The following TWIST2 variants were observed in gnomAD, a reference collection of about 807,000 sequenced individuals.
TWIST2 encodes twist-related protein 2.
In TWIST2, 1 loss-of-function variant was observed where a neutral mutation model predicts 11.6. The ratio of observed to expected loss-of-function variants is 0.09; its 90% CI spans 0.03 to 0.41. The LOEUF is 0.41. TWIST2 is among the 10% of genes least tolerant of loss of function. The pLI, the probability that TWIST2 is intolerant of heterozygous loss-of-function variation, is 0.98. For missense variants in TWIST2, 168 were observed against 226.4 expected (o/e 0.74, Z 1.66); for synonymous variants, 87 against 96.6 (o/e 0.90, Z 0.58).
intron 1 of TWIST2, among the ~76,000 whole-genome samples, chr2:238,907,652 A>G (rs1693375202): frequency 1.3e-5 from 2 of 151,848 alleles, no homozygotes; most frequent in African/African-American, 4.8e-5. Context: ...AAGAAACAAC[A>G]CGCATGATGA....
intron 1 of TWIST2, among the ~76,000 whole-genome samples, chr2:238,888,132 T>G (rs553216697): frequency 6.6e-6 from 1 of 152,362 alleles, no homozygotes; most frequent in Admixed American, 6.5e-5. Flanking sequence ...TGTTATTTAC[T>G]AAATGTGGCT....
intron 1 of TWIST2, among the ~76,000 whole-genome samples, chr2:238,854,848 T>C (rs1427107246): frequency 6.6e-6 from 1 of 152,194 alleles, no homozygotes; most frequent in Non-Finnish European, 1.5e-5. Flanking sequence ...GCAGCTTTCT[T>C]TGTCTGTTCT....
intron 1 of TWIST2, among the ~76,000 whole-genome samples, chr2:238,868,328 C>A (rs150374871): frequency 1.3e-5 from 2 of 152,176 alleles, no homozygotes; most frequent in Non-Finnish European, 2.9e-5. Context: ...AGCCCCCCGC[C>A]CCCCAGCCTG....
At chr2:238,883,109 T>C (rs1203692273) in intron 1 of TWIST2, among the ~76,000 whole-genome samples, 4 of 152,234 alleles carry the variant, frequency 2.6e-5, no homozygotes, top group Non-Finnish European at 5.9e-5. Context: ...AGCAGGGCCT[T>C]TGCGTTTCTG....
chr2:238,900,422 C>T (rs994334887), intron 1 of TWIST2, among the ~76,000 whole-genome samples: 11 of 152,318 alleles, frequency 7.2e-5, no homozygotes, highest in Non-Finnish European at 1.0e-4. Context: ...TCAAGATTTT[C>T]CTTACAGCCA....
rs35363842 is a variant in TWIST2 at position 238,889,980 on chromosome 2, C to T, written c.*36-19862C>T. The stretch of plus-strand genomic sequence containing the variant: ...TGGAGGCTGCCCAGCCTGGCCTGTG[C>T]GGAGGCTGCCCAGCCTGGCCTGTGC... On this transcript the variant is annotated intron_variant, in intron 1 of 1. Coordinates refer to ENST00000612363, the MANE Select transcript of TWIST2 (RefSeq NM_001271893.4). Among the ~76,000 whole-genome samples, 9 of 109,250 alleles carry T rather than the reference C, an allele frequency of 8.2e-5. No homozygotes were observed. In the East Asian group the frequency reaches 9.8e-4, roughly 12 times the overall value. 71.7% of individuals were successfully genotyped at this position (109,250 alleles called of 152,430 possible).
intron 1 of TWIST2, among the ~76,000 whole-genome samples, chr2:238,870,181 CA>C (rs1692629416): frequency 1.4e-5 from 1 of 73,662 alleles, no homozygotes; most frequent in African/African-American, 6.0e-5. Flanking sequence ...ACACCCCACA[CA>C]CACATCACAT....
At chr2:238,862,964 TTGTC>T (rs1692459400) in intron 1 of TWIST2, among the ~76,000 whole-genome samples, 2 of 152,148 alleles carry the variant, frequency 1.3e-5, no homozygotes, top group Non-Finnish European at 2.9e-5. Flanking sequence ...ACGGGTGTGT[TTGTC>T]TGGAGAGACA....
At chr2:238,886,163 T>C (rs1285008161) in intron 1 of TWIST2, among the ~76,000 whole-genome samples, 10 of 151,934 alleles carry the variant, frequency 6.6e-5, no homozygotes, top group Admixed American at 6.6e-4. Context: ...ACCGTGAACT[T>C]TGTTCCACAA....
chr2:238,859,697 C>T (rs1296236849), intron 1 of TWIST2, among the ~76,000 whole-genome samples: 1 of 152,142 alleles, frequency 6.6e-6, no homozygotes, highest in Non-Finnish European at 1.5e-5. Context: ...AGATGTTATC[C>T]AGTTTATCCT....
At chr2:238,894,388 G>A (rs1435776076) in intron 1 of TWIST2, among the ~76,000 whole-genome samples, 1 of 152,012 alleles carries the variant, frequency 6.6e-6, no homozygotes, top group Admixed American at 6.6e-5. Context: ...GCCCCTGAGC[G>A]GCCCCTTGCC....
At chr2:238,909,481 G>A (rs920965892) in intron 1 of TWIST2, among the ~76,000 whole-genome samples, 80 of 152,278 alleles carry the variant, frequency 5.3e-4, no homozygotes, top group African/African-American at 1.4e-3. Flanking sequence ...TTGTCCCCAG[G>A]CAGCCTGTTC....
intron 1 of TWIST2, among the ~76,000 whole-genome samples, chr2:238,858,390 T>C (rs1692367197): frequency 6.6e-6 from 1 of 152,212 alleles, no homozygotes; most frequent in African/African-American, 2.4e-5. Flanking sequence ...TTTAGTAAGC[T>C]TTTTTGAGGT....
intron 1 of TWIST2, among the ~76,000 whole-genome samples, chr2:238,862,450 A>G (rs1692451879): frequency 6.6e-6 from 1 of 152,242 alleles, no homozygotes; most frequent in South Asian, 2.1e-4. Context: ...GTTGGTCAAT[A>G]AACGCGTGAA....
At chr2:238,893,720 C>A (rs1244629348) in intron 1 of TWIST2, among the ~76,000 whole-genome samples, 2 of 152,192 alleles carry the variant, frequency 1.3e-5, no homozygotes, top group Admixed American at 6.5e-5. Flanking sequence ...CAGGAAGCGC[C>A]GATCGCCGGC....
intron 1 of TWIST2, among the ~76,000 whole-genome samples, chr2:238,890,335 G>C (rs574426533): frequency 3.3e-5 from 5 of 152,216 alleles, no homozygotes; most frequent in Non-Finnish European, 7.4e-5. Context: ...CGGCCTGCGC[G>C]GGGCAGGCAC....
intron 1 of TWIST2, among the ~76,000 whole-genome samples, chr2:238,853,448 G>GAGA (rs1692278424): frequency 2.3e-5 from 3 of 130,694 alleles, no homozygotes; most frequent in Non-Finnish European, 3.2e-5. Context: ...AGGGAGAGAT[G>GAGA]GAGAGAGAGA....
At chr2:238,905,002 AAAG>A (rs1181243062) in intron 1 of TWIST2, among the ~76,000 whole-genome samples, 69 of 152,044 alleles carry the variant, frequency 4.5e-4, no homozygotes, top group African/African-American at 1.1e-3. Flanking sequence ...GAAAGAAAGA[AAAG>A]AAAGGAAGGA....
At chr2:238,880,065 A>T (rs917438007) in intron 1 of TWIST2, among the ~76,000 whole-genome samples, 6 of 152,164 alleles carry the variant, frequency 3.9e-5, no homozygotes, top group Non-Finnish European at 8.8e-5. Flanking sequence ...TAGTGTTAGT[A>T]TTAGTGTTGG....
Sources: gnomAD v4.1 joint callset for allele counts (sites outside exome capture counted in the v4.1 genomes callset) on GRCh38, gnomAD v4.1.1 for gene constraint, MANE v1.5 for transcripts, NCBI Gene and HGNC (gene_info 2026-07-23, HGNC 2026-07-21) for gene names.